RGS17: variants seen among roughly 807,000 people sequenced by gnomAD.
RGS17 encodes the protein regulator of G protein signaling 17.
Under a neutral mutation model 25.5 loss-of-function variants are expected in RGS17, and 12 were observed. That is an observed-to-expected ratio of 0.47 (90% CI 0.30 to 0.76). The LOEUF (loss-of-function observed/expected upper bound fraction) is 0.76. RGS17 is among the 30% of genes least tolerant of loss of function. The pLI is 0.07. For synonymous variants in RGS17, 71 were observed against 76.9 expected (o/e 0.92, Z 0.40); for missense variants, 196 against 242.2 (o/e 0.81, Z 1.27).
At chr6:153,047,122 A>G (rs1435520503) in intron 1 of RGS17, among the ~76,000 whole-genome samples, 1 of 152,116 alleles carries the variant, frequency 6.6e-6, no homozygotes, top group East Asian at 1.9e-4. Flanking sequence ...TTTTATATGC[A>G]CCTAAGTAAA....
chr6:153,102,254 C>T (rs1045855869), intron 1 of RGS17, among the ~76,000 whole-genome samples: 11 of 152,266 alleles, frequency 7.2e-5, no homozygotes, highest in African/African-American at 2.6e-4. Flanking sequence ...TAGTTTTTCT[C>T]TAGGGGTAAA....
At chr6:153,047,822 C>A (rs556462868) in intron 1 of RGS17, among the ~76,000 whole-genome samples, 60 of 152,342 alleles carry the variant, frequency 3.9e-4, no homozygotes, top group African/African-American at 1.4e-3. Context: ...ACTTTGTCTA[C>A]AGTAGTCCAA....
chr6:153,029,277 C>T (rs1037818201), intron 2 of RGS17, among the ~76,000 whole-genome samples: 1 of 152,092 alleles, frequency 6.6e-6, no homozygotes, highest in Non-Finnish European at 1.5e-5. Flanking sequence ...CCTTTACTAC[C>T]GGTCTTAAAA....
At position 153,008,664 on chromosome 6, in the gene RGS17, A is replaced by G. The variant is rs1343334860; in HGVS notation, c.*2910T>C. On this transcript the variant is annotated 3_prime_UTR_variant, in exon 5 of 5. Coordinates refer to ENST00000206262, the MANE Select transcript of RGS17 (RefSeq NM_012419.5). The stretch of plus-strand genomic sequence containing the variant: ...TTTCTGTGTGCATCAGCAAATTCTA[A>G]TAGTATACAAAGATACCTTGGCAAT... 4 of 152,252 alleles carry G rather than the reference A, an allele frequency of 2.6e-5. No homozygotes were observed. The highest frequency in any genetic ancestry group is 9.6e-5 in the African/African-American group (4 of 41,466). 9.4% of individuals were successfully genotyped at this position (152,252 alleles called of 1,614,324 possible).
At chr6:153,100,284 T>G (rs1006643020) in intron 1 of RGS17, among the ~76,000 whole-genome samples, 8 of 152,238 alleles carry the variant, frequency 5.3e-5, no homozygotes, top group Non-Finnish European at 1.2e-4. Context: ...GAGGCAATAA[T>G]AAACTCCTAT....
chr6:153,119,725 TGG>T (rs1349698992), intron 1 of RGS17, among the ~76,000 whole-genome samples: 1 of 152,144 alleles, frequency 6.6e-6, no homozygotes, highest in Non-Finnish European at 1.5e-5. Flanking sequence ...TCCAATAGGA[TGG>T]CAACATCTTT....
chr6:153,060,807 T>C (rs938562045), intron 1 of RGS17, among the ~76,000 whole-genome samples: 5 of 152,150 alleles, frequency 3.3e-5, no homozygotes, highest in Admixed American at 2.6e-4. Flanking sequence ...TAAATCTATC[T>C]TGCAGTGATA....
chr6:153,125,140 GC>G lies in RGS17; in HGVS notation c.-26+5983del, dbSNP rs773477017. On this transcript the variant is annotated intron_variant, in intron 1 of 4. Coordinates refer to ENST00000206262, the MANE Select transcript of RGS17 (RefSeq NM_012419.5). ...CAGGTTGTGTCTGTTTTACTGTAAT[GC>G]CATGGCTCTTGAATTATAACCTGTG... Among the ~76,000 whole-genome samples, 48 of 152,240 alleles carry G rather than the reference GC, an allele frequency of 3.2e-4. 7 individuals are homozygous for G. Among genetic ancestry groups the G allele is most frequent in the Admixed American group, 2.1e-3 (32 of 15,292 alleles).
In RGS17 at chr6:153,005,696, A is replaced by G. The variant is rs1779068328; in HGVS notation, c.*5878T>C. 6.6e-6 allele frequency: 1 copy of G among 152,228 alleles called. No homozygotes were observed. Among genetic ancestry groups the G allele is most frequent in the Non-Finnish European group, 1.5e-5 (1 of 68,052 alleles). The allele number at this position is 152,228 out of a possible 1,614,324, so 9.4% of individuals were successfully genotyped here. ...ACATCAGACGAATCCCCATAGAAGGACATTCTACAAAATACCAGTTTATTT... is the reference window on the plus strand; with the variant it reads ...ACATCAGACGAATCCCCATAGAAGGGCATTCTACAAAATACCAGTTTATTT... On this transcript the variant is annotated 3_prime_UTR_variant, in exon 5 of 5. Coordinates refer to ENST00000206262, the MANE Select transcript of RGS17 (RefSeq NM_012419.5).
At chr6:153,069,661 C>A (rs1370786829) in intron 1 of RGS17, among the ~76,000 whole-genome samples, 3 of 151,876 alleles carry the variant, frequency 2.0e-5, no homozygotes, top group African/African-American at 7.3e-5. Flanking sequence ...AGAGGATATG[C>A]TGTTCTCCAT....
chr6:153,098,238 G>A (rs1777246512), intron 1 of RGS17, among the ~76,000 whole-genome samples: 1 of 152,150 alleles, frequency 6.6e-6, no homozygotes, highest in Non-Finnish European at 1.5e-5. Context: ...GTATGGATGA[G>A]GGGGTGACCT....
intron 1 of RGS17, among the ~76,000 whole-genome samples, chr6:153,094,144 T>G (rs1438039425): frequency 1.3e-5 from 2 of 152,020 alleles, no homozygotes; most frequent in Admixed American, 6.6e-5. Flanking sequence ...GGCATGATCT[T>G]GGCTCACTGC....
intron 1 of RGS17, among the ~76,000 whole-genome samples, chr6:153,046,306 A>G (rs201522809): frequency 1.9e-5 from 2 of 102,634 alleles, no homozygotes; most frequent in Non-Finnish European, 2.5e-5. Flanking sequence ...AAAGTTAACA[A>G]TAATATATAG....
chr6:153,109,839 T>C (rs1371299197), intron 1 of RGS17, among the ~76,000 whole-genome samples: 1 of 152,258 alleles, frequency 6.6e-6, no homozygotes, highest in Non-Finnish European at 1.5e-5. Context: ...GAAATTCCAC[T>C]ATCTCTAAAC....
intron 1 of RGS17, among the ~76,000 whole-genome samples, chr6:153,126,751 C>T (rs1171937753): frequency 6.6e-6 from 1 of 152,028 alleles, no homozygotes; most frequent in African/African-American, 2.4e-5. Context: ...GCATCGTGCC[C>T]AAAGGAGAAA....
At chr6:153,056,713 T>C (rs932346535) in intron 1 of RGS17, among the ~76,000 whole-genome samples, 14 of 152,152 alleles carry the variant, frequency 9.2e-5, no homozygotes, top group African/African-American at 3.1e-4. Context: ...GAATCCCTAT[T>C]TCTATCAATT....
At chr6:153,032,838 A>T (rs1316857796) in intron 2 of RGS17, among the ~76,000 whole-genome samples, 1 of 152,224 alleles carries the variant, frequency 6.6e-6, no homozygotes, top group Non-Finnish European at 1.5e-5. Context: ...TGTTATTAAC[A>T]TTGTCATTAT....
Position 153,010,747 on chromosome 6 carries a change from A to C in RGS17, c.*827T>G, listed in dbSNP as rs1779122913. The C allele has an allele frequency of 6.6e-6, 1 of 152,066 alleles. No homozygotes were observed. Among genetic ancestry groups the C allele is most frequent in the African/African-American group, 2.4e-5 (1 of 41,446 alleles). The allele number at this position is 152,066 out of a possible 1,614,324, so 9.4% of individuals were successfully genotyped here. A position where few individuals can be genotyped will look rare whatever the true frequency, so the allele number is the denominator to read the frequency against. Reference sequence around the variant, plus strand: ...AAAACTGGAGAGCCAGTCTTTAATAAATTAATTACAGTATTGGACATCTGA... The same window carrying C: ...AAAACTGGAGAGCCAGTCTTTAATACATTAATTACAGTATTGGACATCTGA... On this transcript the variant is annotated 3_prime_UTR_variant, in exon 5 of 5. Transcript: ENST00000206262.
intron 1 of RGS17, among the ~76,000 whole-genome samples, chr6:153,069,737 C>T (rs533403127): frequency 1.3e-5 from 1 of 75,642 alleles, no homozygotes; most frequent in African/African-American, 4.6e-5. Flanking sequence ...ATATATACAC[C>T]TCGTGTGTGT....
Sources: gnomAD v4.1 joint callset for allele counts (sites outside exome capture counted in the v4.1 genomes callset) on GRCh38, gnomAD v4.1.1 for gene constraint, MANE v1.5 for transcripts, NCBI Gene and HGNC (gene_info 2026-07-23, HGNC 2026-07-21) for gene names.